The following LCOR variants were observed in gnomAD, a reference collection of about 807,000 sequenced individuals.
LCOR encodes the protein ligand dependent nuclear receptor corepressor, also known as ligand-dependent corepressor.
A neutral mutation model predicts 64.4 loss-of-function variants in LCOR; 14 were observed. The observed-to-expected ratio is 0.22, with a 90% CI of 0.14 to 0.34. The LOEUF is 0.34. LCOR is among the 10% of genes least tolerant of loss of function. The probability of loss-of-function intolerance (pLI) is 1.00; values close to 1 mark genes in which losing one functional copy is unlikely to be tolerated. For synonymous variants in LCOR, 643 were observed against 642.5 expected (o/e 1.00, Z -0.01); for missense variants, 1,686 against 1,765.3 (o/e 0.96, Z 0.80).
At chr10:96,877,812 C>T (rs536196943) in intron 2 of LCOR, among the ~76,000 whole-genome samples, 6 of 151,754 alleles carry the variant, frequency 4.0e-5, no homozygotes, top group Non-Finnish European at 7.4e-5. Flanking sequence ...GGGGTTTCAC[C>T]GCATTAGCCA....
intron 4 of LCOR, among the ~76,000 whole-genome samples, chr10:96,941,192 AC>A (rs1156526327): frequency 1.2e-5 from 1 of 81,574 alleles, no homozygotes; most frequent in African/African-American, 6.2e-5. Flanking sequence ...CGGGGGGCTG[AC>A]CCCCCCACCT....
intron 4 of LCOR, among the ~76,000 whole-genome samples, chr10:96,912,712 A>G (rs1264832960): frequency 6.9e-6 from 1 of 144,074 alleles, no homozygotes; most frequent in East Asian, 2.1e-4. Flanking sequence ...GGTTTTGTAA[A>G]TATCTTCTTT....
intron 2 of LCOR, among the ~76,000 whole-genome samples, chr10:96,840,529 C>T (rs1271984185): frequency 6.6e-6 from 1 of 152,114 alleles, no homozygotes; most frequent in Non-Finnish European, 1.5e-5. Flanking sequence ...AGGGTTTAGA[C>T]TAACGTTTCA....
rs541116538 is a variant in LCOR at position 96,925,192 on chromosome 10, C to T, written c.-184+17445C>T. ...CCGGGTTCAAGTGGTTCTCCTGCCT[C>T]AGCCTCCTGAGTAGCTGGGATTACA... On this transcript the variant is annotated intron_variant, in intron 4 of 7. Coordinates refer to ENST00000421806, the MANE Select transcript of LCOR (RefSeq NM_001346516.2). Among the ~76,000 whole-genome samples the T allele has an allele frequency of 2.6e-5, 4 of 152,252 alleles. No homozygotes were observed. In the South Asian group the frequency reaches 8.3e-4, roughly 32 times the overall value.
At chr10:96,883,444 T>A (rs1846295184) in intron 2 of LCOR, among the ~76,000 whole-genome samples, 1 of 152,232 alleles carries the variant, frequency 6.6e-6, no homozygotes. Context: ...AAACTAACAG[T>A]CTTCCAAAGT....
rs1848084798 is a variant in LCOR at position 96,981,460 on chromosome 10, A to G, written c.1000A>G (p.Asn334Asp). The G allele has an allele frequency of 6.2e-7, 1 of 1,614,190 alleles. No individual in the cohort carries two copies. The highest frequency in any genetic ancestry group is 1.3e-5 in the African/African-American group (1 of 75,080). ...KMAAENSEEG[N>D]TCIIPQRNLF... is the part of the protein sequence containing the mutation. ...GGCAGCTGAGAATAGTGAGGAAGGC[A>G]ATACCTGTATTATTCCTCAAAGAAA... is the stretch of plus-strand genomic sequence containing the variant. The change falls in exon 8 of 8, where the codon AAT becomes GAT. Residue 334 changes from asparagine to aspartate, a missense_variant. Asn to Asp is a conservative substitution (Grantham distance 23). Around this residue, in one of 3 missense-constraint regions of LCOR, gnomAD observed 313 missense variants for 247.2 expected, o/e 1.27. Coordinates refer to ENST00000421806, the MANE Select transcript of LCOR (RefSeq NM_001346516.2).
intron 6 of LCOR, among the ~76,000 whole-genome samples, chr10:96,949,650 T>A (rs1847644253): frequency 6.6e-6 from 1 of 152,182 alleles, no homozygotes. Context: ...AACTAAAAAT[T>A]TTCTAGGACT....
rs1371771053 is a variant in LCOR, at chr10:96,989,695, A to ATATATATATATATATATATATT, written c.*4562_*4563insATATATATATATATATATATTT. The ATATATATATATATATATATATT allele has an allele frequency of 4.6e-5, 4 of 86,160 alleles. No individual in the cohort carries two copies. The highest frequency in any genetic ancestry group is 2.5e-4 in the African/African-American group (4 of 16,170). 5.3% of individuals were successfully genotyped at this position (86,160 alleles called of 1,614,324 possible). On this transcript the variant is annotated 3_prime_UTR_variant, in exon 8 of 8. Coordinates refer to ENST00000421806, the MANE Select transcript of LCOR (RefSeq NM_001346516.2). ...TAAGGATATATATATATATATATAT[A>ATATATATATATATATATATATT]TTTTTTTTTTTTTTTTTTTTTTTTA...
At chr10:96,917,849 C>G (rs1274775537) in intron 4 of LCOR, among the ~76,000 whole-genome samples, 1 of 152,022 alleles carries the variant, frequency 6.6e-6, no homozygotes, top group Non-Finnish European at 1.5e-5. Flanking sequence ...GGCTTCCATC[C>G]CAGATGGCTT....
At chr10:96,873,384 TTTC>T (rs753867266) in intron 2 of LCOR, among the ~76,000 whole-genome samples, 2 of 152,174 alleles carry the variant, frequency 1.3e-5, no homozygotes, top group Non-Finnish European at 2.9e-5. Flanking sequence ...TATTCTAACA[TTTC>T]TTTTCATCAC....
At chr10:96,924,153 G>A (rs1847127305) in intron 4 of LCOR, among the ~76,000 whole-genome samples, 1 of 152,154 alleles carries the variant, frequency 6.6e-6, no homozygotes, top group Non-Finnish European at 1.5e-5. Context: ...AGAAGGTGGA[G>A]GAGAAACAAA....
chr10:96,958,678 C>A, intron 7 of LCOR: 1 of 453,340 alleles, frequency 2.2e-6, no homozygotes. Flanking sequence ...TCAGTCATGA[C>A]TTGATATTCA....
rs189258421 is a variant in LCOR at position 96,990,280 on chromosome 10, A to G, written c.*5146A>G. ...GTAGTTTAAAAGTACAGTTTTTTGAAAGTATAGTCATCTTCATTTTTATGA... is the reference window on the plus strand; with the variant it reads ...GTAGTTTAAAAGTACAGTTTTTTGAGAGTATAGTCATCTTCATTTTTATGA... On this transcript the variant is annotated 3_prime_UTR_variant, in exon 8 of 8. Transcript: ENST00000421806. 2 of 152,186 alleles carry G rather than the reference A, an allele frequency of 1.3e-5. No individual in the cohort carries two copies. The highest frequency in any genetic ancestry group is 4.8e-5 in the African/African-American group (2 of 41,524). 9.4% of individuals were successfully genotyped at this position (152,186 alleles called of 1,614,324 possible).
chr10:96,844,898 G>A lies in LCOR; in HGVS notation c.-330+11419G>A, dbSNP rs182416943. On this transcript the variant is annotated intron_variant, in intron 2 of 7. Transcript: ENST00000421806. ...TTGATATTCTTCCCAGAGACCTCAA[G>A]GAAGTGTGGGGTGGTGGTGGAGGGG... is the stretch of plus-strand genomic sequence containing the variant. 3.7e-4 allele frequency among the ~76,000 whole-genome samples: 57 copies of A among 152,250 alleles called. 1 individual carries two copies. The highest frequency in any genetic ancestry group is 3.2e-3 in the Admixed American group (49 of 15,284).
At chr10:96,885,332 T>C (rs1341539757) in intron 2 of LCOR, among the ~76,000 whole-genome samples, 1 of 152,186 alleles carries the variant, frequency 6.6e-6, no homozygotes, top group African/African-American at 2.4e-5. Context: ...TGTTGACTTG[T>C]CATTTGTTTC....
chr10:96,984,051 C>T lies in LCOR; in HGVS notation c.3591C>T (p.Val1197=). The T allele has an allele frequency of 6.2e-7, 1 of 1,613,930 alleles. No homozygotes were observed. The highest frequency in any genetic ancestry group is 8.5e-7 in the Non-Finnish European group (1 of 1,179,946). Residue 1197 remains valine (V), a synonymous_variant, in exon 8 of 8, where the codon GTC becomes GTT. Coordinates refer to ENST00000421806, the MANE Select transcript of LCOR (RefSeq NM_001346516.2). ...FLETTETRSL[V]IVKKLNTRLP... ...AGACAACTGAAACCCGGTCTCTAGTCATTGTGAAGAAGCTCAATACTCGCC... is the reference window on the plus strand; with the variant it reads ...AGACAACTGAAACCCGGTCTCTAGTTATTGTGAAGAAGCTCAATACTCGCC...
intron 7 of LCOR, chr10:96,956,691 C>T (rs1050982765): frequency 1.2e-5 from 12 of 985,856 alleles, no homozygotes; most frequent in Non-Finnish European, 1.4e-5. Flanking sequence ...AGAATTTGGT[C>T]TCACCAACAA....
chr10:96,862,845 T>C (rs1266433971), intron 2 of LCOR, among the ~76,000 whole-genome samples: 1 of 152,164 alleles, frequency 6.6e-6, no homozygotes, highest in Non-Finnish European at 1.5e-5. Context: ...CAAGTATCTT[T>C]TTTAAAGTTT....
rs541999514 is a variant in LCOR at position 96,853,186 on chromosome 10, G to A, written c.-330+19707G>A. Among the ~76,000 whole-genome samples the A allele has an allele frequency of 2.0e-5, 3 of 152,154 alleles. No homozygotes were observed. The East Asian group carries it at 5.8e-4, about 29-fold the overall frequency. On this transcript the variant is annotated intron_variant, in intron 2 of 7. Transcript: ENST00000421806. Reference sequence around the variant, plus strand: ...CCTGCCTCAGTCTCCTGAGAAGCTGGGATTATGGGCACGTGCCACCATGCA... The same window carrying A: ...CCTGCCTCAGTCTCCTGAGAAGCTGAGATTATGGGCACGTGCCACCATGCA...
Sources: allele counts gnomAD v4.1 joint callset (sites outside exome capture counted in the v4.1 genomes callset), GRCh38; gene constraint gnomAD v4.1.1; regional missense constraint gnomAD v4.1.1; transcripts MANE v1.5; gene names NCBI Gene and HGNC (gene_info 2026-07-23, HGNC 2026-07-21).